Variants in CAST observed in about 807,000 individuals in gnomAD.
The protein encoded by CAST is calpastatin, also known as MIR583 host.
In CAST, 76 loss-of-function variants were observed where a neutral mutation model predicts 119.6. The observed-to-expected ratio is 0.64, with a 90% CI of 0.53 to 0.77. The LOEUF is 0.77. Ranked by LOEUF, CAST falls within the 30% of genes least tolerant of loss-of-function variation. The pLI is 0.00. For synonymous variants in CAST, 319 were observed against 331.6 expected (o/e 0.96, Z 0.41); for missense variants, 953 against 946.5 (o/e 1.01, Z -0.09).
intron 1 of CAST, among the ~76,000 whole-genome samples, chr5:96,612,823 G>A (rs960768516): frequency 6.6e-6 from 1 of 152,000 alleles, no homozygotes; most frequent in Admixed American, 6.6e-5. Context: ...ATTTATCTTT[G>A]TGTATGATAT....
chr5:96,195,593 G>A, the CAST span, among the ~76,000 whole-genome samples: 1 of 152,070 alleles, frequency 6.6e-6, no homozygotes, highest in African/African-American at 2.4e-5. Context: ...TTTATTATTG[G>A]TTACTTACAA....
chr5:96,090,076 T>C, the CAST span, among the ~76,000 whole-genome samples: 2 of 152,050 alleles, frequency 1.3e-5, no homozygotes, highest in African/African-American at 4.8e-5. Flanking sequence ...ATCTCAAGAG[T>C]TATTGTGAAG....
chr5:95,965,634 T>C, the CAST span, among the ~76,000 whole-genome samples: 1 of 152,238 alleles, frequency 6.6e-6, no homozygotes, highest in Non-Finnish European at 1.5e-5. Flanking sequence ...CCAGTGCTGC[T>C]TGCTCCCTTG....
intron 1 of CAST, among the ~76,000 whole-genome samples, chr5:96,571,769 T>G (rs1580829696): frequency 6.6e-6 from 1 of 152,242 alleles, no homozygotes; most frequent in East Asian, 1.9e-4. Flanking sequence ...TTACTTTCCT[T>G]TGTAGCTCTT....
At chr5:96,009,600 G>A in the CAST span, among the ~76,000 whole-genome samples, 1 of 152,052 alleles carries the variant, frequency 6.6e-6, no homozygotes, top group Non-Finnish European at 1.5e-5. Flanking sequence ...GTCTTCTTTT[G>A]AGAAGTGTCT....
At chr5:95,985,496 C>A in the CAST span, among the ~76,000 whole-genome samples, 2 of 152,152 alleles carry the variant, frequency 1.3e-5, no homozygotes, top group Admixed American at 6.5e-5. Flanking sequence ...ATGCTCTGCT[C>A]AAAGGCACAA....
At chr5:96,072,679 G>A in the CAST span, among the ~76,000 whole-genome samples, 25 of 152,302 alleles carry the variant, frequency 1.6e-4, no homozygotes, top group African/African-American at 6.0e-4. Flanking sequence ...TGCTACTTTT[G>A]TTGTGGGTGT....
chr5:96,335,540 C>T, the CAST span, among the ~76,000 whole-genome samples: 1 of 152,176 alleles, frequency 6.6e-6, no homozygotes, highest in Non-Finnish European at 1.5e-5. Context: ...TTTTAGCCTA[C>T]CGCTCTTCTC....
the CAST span, among the ~76,000 whole-genome samples, chr5:96,486,487 C>T: frequency 6.6e-6 from 1 of 152,138 alleles, no homozygotes; most frequent in Non-Finnish European, 1.5e-5. Flanking sequence ...GCAGAAACAA[C>T]CAAACCCTGC....
chr5:96,287,852 G>GA, the CAST span, among the ~76,000 whole-genome samples: 2 of 151,408 alleles, frequency 1.3e-5, no homozygotes, highest in Admixed American at 6.6e-5. Flanking sequence ...CTCAAAAAAA[G>GA]AAAAAAAAGA....
At chr5:96,163,334 C>A in the CAST span, among the ~76,000 whole-genome samples, 427 of 152,198 alleles carry the variant, frequency 2.8e-3, no homozygotes, top group Non-Finnish European at 4.6e-3. Flanking sequence ...ATTTCATTGA[C>A]CTTTTAAAAG....
chr5:96,430,874 C>T, the CAST span, among the ~76,000 whole-genome samples: 1 of 152,078 alleles, frequency 6.6e-6, no homozygotes, highest in African/African-American at 2.4e-5. Flanking sequence ...CAAAGATCCT[C>T]CCAAGAATGA....
At chr5:96,119,546 G>A in the CAST span, among the ~76,000 whole-genome samples, 1 of 152,134 alleles carries the variant, frequency 6.6e-6, no homozygotes, top group Non-Finnish European at 1.5e-5. Context: ...ATATAAGCTG[G>A]AGGGTTTGCA....
the CAST span, among the ~76,000 whole-genome samples, chr5:96,046,294 G>A: frequency 6.6e-6 from 1 of 152,182 alleles, no homozygotes; most frequent in South Asian, 2.1e-4. Flanking sequence ...TGGGTGACAG[G>A]ATCTTGAATA....
At chr5:96,445,049 C>T in the CAST span, among the ~76,000 whole-genome samples, 1 of 152,112 alleles carries the variant, frequency 6.6e-6, no homozygotes, top group African/African-American at 2.4e-5. Flanking sequence ...GAGAAGACTC[C>T]CTGACCTGCA....
the CAST span, among the ~76,000 whole-genome samples, chr5:96,052,014 T>C: frequency 6.6e-6 from 1 of 152,120 alleles, no homozygotes; most frequent in Admixed American, 6.5e-5. Flanking sequence ...TGCTTACTCA[T>C]GAGGGGGCGA....
chr5:96,061,696 GAAGT>G, the CAST span, among the ~76,000 whole-genome samples: 1 of 151,818 alleles, frequency 6.6e-6, no homozygotes, highest in Non-Finnish European at 1.5e-5. Context: ...GAAGTAGCCA[GAAGT>G]AAGAATACTT....
the CAST span, among the ~76,000 whole-genome samples, chr5:96,280,690 C>G: frequency 6.6e-6 from 1 of 152,092 alleles, no homozygotes; most frequent in African/African-American, 2.4e-5. Context: ...GAAAATACTT[C>G]ATGAACTATG....
rs771238249 is a variant in CAST, at chr5:96,736,160, A to G, written c.631-12A>G. ...GTATGTGAGGAGTTGTTAATTTCTC[A>G]ATTCTCACCAGAAAAAAGAAAAGAA... On this transcript the variant is annotated splice_polypyrimidine_tract_variant and intron_variant, in intron 9 of 31. Transcript: ENST00000675179. The G allele has an allele frequency of 4.4e-6, 7 of 1,588,672 alleles. No individual in the cohort carries two copies. Among genetic ancestry groups the G allele is most frequent in the Non-Finnish European group, 6.0e-6 (7 of 1,160,684 alleles).
Sources: allele counts gnomAD v4.1 joint callset (sites outside exome capture counted in the v4.1 genomes callset), GRCh38; gene constraint gnomAD v4.1.1; transcripts MANE v1.5; gene names NCBI Gene and HGNC (gene_info 2026-07-23, HGNC 2026-07-21).